ZNF804B: variants seen among roughly 807,000 people sequenced by gnomAD.
ZNF804B encodes zinc finger 804B.
In ZNF804B, 80 loss-of-function variants were observed where a neutral mutation model predicts 101.4. The observed-to-expected ratio is 0.79, with a 90% CI of 0.66 to 0.95. The LOEUF is 0.95. Ranked by LOEUF, ZNF804B falls within the 40% of genes least tolerant of loss-of-function variation. The probability of loss-of-function intolerance (pLI) is 0.00; values close to 1 mark genes in which losing one functional copy is unlikely to be tolerated. For missense variants in ZNF804B, 1,673 were observed against 1,561.9 expected (o/e 1.07, Z -1.20); for synonymous variants, 622 against 558.8 (o/e 1.11, Z -1.59).
At chr7:89,299,650 C>G (rs972452195) in intron 2 of ZNF804B, among the ~76,000 whole-genome samples, 1 of 152,034 alleles carries the variant, frequency 6.6e-6, no homozygotes, top group African/African-American at 2.4e-5. Context: ...TTGGGAATAT[C>G]TAGTTTTCTT....
chr7:88,890,695 A>G (rs1388942795), intron 1 of ZNF804B, among the ~76,000 whole-genome samples: 2 of 152,118 alleles, frequency 1.3e-5, no homozygotes, highest in African/African-American at 2.4e-5. Context: ...TTGCTTAAAA[A>G]TGTTTTGCTG....
intron 1 of ZNF804B, among the ~76,000 whole-genome samples, chr7:88,867,535 G>A (rs1416221867): frequency 1.3e-5 from 2 of 152,126 alleles, no homozygotes; most frequent in Non-Finnish European, 2.9e-5. Flanking sequence ...ACATTAAGGG[G>A]GGATTTTCCT....
chr7:89,025,638 A>G (rs1788739083), intron 1 of ZNF804B, among the ~76,000 whole-genome samples: 2 of 152,262 alleles, frequency 1.3e-5, no homozygotes, highest in South Asian at 2.1e-4. Context: ...TGTTGTCAAT[A>G]CAAAGTGCTA....
chr7:89,054,807 G>A (rs1167547709), intron 1 of ZNF804B, among the ~76,000 whole-genome samples: 1 of 151,980 alleles, frequency 6.6e-6, no homozygotes, highest in Non-Finnish European at 1.5e-5. Context: ...GACCAACCCT[G>A]CTGGACCTCA....
intron 2 of ZNF804B, among the ~76,000 whole-genome samples, chr7:89,301,415 C>A (rs1429941379): frequency 6.6e-6 from 1 of 151,746 alleles, no homozygotes; most frequent in African/African-American, 2.4e-5. Context: ...ACCCTATGCA[C>A]CACCATCACA....
intron 1 of ZNF804B, among the ~76,000 whole-genome samples, chr7:89,163,401 T>A (rs1441783697): frequency 6.6e-6 from 1 of 152,122 alleles, no homozygotes; most frequent in African/African-American, 2.4e-5. Context: ...TTTCTTCTTT[T>A]GATTTTTTGG....
At chr7:89,231,791 G>A (rs771838761) in intron 2 of ZNF804B, among the ~76,000 whole-genome samples, 1 of 151,994 alleles carries the variant, frequency 6.6e-6, no homozygotes, top group Non-Finnish European at 1.5e-5. Flanking sequence ...TATCGATCCT[G>A]TAATTTTGTT....
chr7:89,203,131 C>A (rs1370848584), intron 1 of ZNF804B, among the ~76,000 whole-genome samples: 2 of 152,064 alleles, frequency 1.3e-5, no homozygotes, highest in Non-Finnish European at 2.9e-5. Flanking sequence ...ATGGATTCTC[C>A]AAGAGCTGAA....
At chr7:89,237,980 C>T (rs935790952) in intron 2 of ZNF804B, among the ~76,000 whole-genome samples, 1 of 152,094 alleles carries the variant, frequency 6.6e-6, no homozygotes, top group African/African-American at 2.4e-5. Flanking sequence ...ATAATTGCCC[C>T]TCTCACAAAT....
At chr7:89,196,275 G>C (rs920600469) in intron 1 of ZNF804B, among the ~76,000 whole-genome samples, 2 of 150,798 alleles carry the variant, frequency 1.3e-5, no homozygotes, top group African/African-American at 4.8e-5. Flanking sequence ...TCTGATCTTT[G>C]ACAACACGTA....
intron 1 of ZNF804B, among the ~76,000 whole-genome samples, chr7:88,813,967 A>G (rs1337876878): frequency 6.6e-6 from 1 of 152,188 alleles, no homozygotes; most frequent in Non-Finnish European, 1.5e-5. Context: ...TGCATAGCCA[A>G]TGCACCATCA....
intron 2 of ZNF804B, among the ~76,000 whole-genome samples, chr7:89,252,339 A>C (rs1408336485): frequency 6.6e-6 from 1 of 152,196 alleles, no homozygotes; most frequent in East Asian, 1.9e-4. Context: ...ATCTCACATC[A>C]GTCAGAATGG....
chr7:88,853,932 T>G, intron 1 of ZNF804B, among the ~76,000 whole-genome samples: 1 of 152,248 alleles, frequency 6.6e-6, no homozygotes, highest in Admixed American at 6.5e-5. Flanking sequence ...ATTAAAACGT[T>G]TCGAGGGCTG....
intron 1 of ZNF804B, among the ~76,000 whole-genome samples, chr7:88,789,059 A>T (rs1451074100): frequency 1.3e-5 from 2 of 152,152 alleles, no homozygotes; most frequent in Non-Finnish European, 2.9e-5. Flanking sequence ...TACTAGCAAA[A>T]GTATTTTAAT....
chr7:89,176,267 A>T (rs1791316882), intron 1 of ZNF804B, among the ~76,000 whole-genome samples: 3 of 151,936 alleles, frequency 2.0e-5, no homozygotes, highest in Admixed American at 2.0e-4. Flanking sequence ...TGTTCATTCC[A>T]TACCCAGTTT....
chr7:88,826,596 C>T (rs184521856), intron 1 of ZNF804B, among the ~76,000 whole-genome samples: 20 of 152,014 alleles, frequency 1.3e-4, no homozygotes, highest in Admixed American at 2.0e-4. Context: ...AGTTGGATGG[C>T]GGCTTTACAG....
chr7:89,192,281 C>G (rs1031727169), intron 1 of ZNF804B, among the ~76,000 whole-genome samples: 1 of 152,014 alleles, frequency 6.6e-6, no homozygotes, highest in African/African-American at 2.4e-5. Context: ...TTTTCACCCC[C>G]TTTACCCCTG....
At chr7:88,976,674 A>C (rs1020612133) in intron 1 of ZNF804B, among the ~76,000 whole-genome samples, 2 of 151,656 alleles carry the variant, frequency 1.3e-5, no homozygotes, top group African/African-American at 4.8e-5. Flanking sequence ...TGTCATCTGC[A>C]AACAGGCATA....
At chr7:89,163,279 A>C (rs572934458) in intron 1 of ZNF804B, among the ~76,000 whole-genome samples, 2 of 152,262 alleles carry the variant, frequency 1.3e-5, no homozygotes, top group South Asian at 4.1e-4. Flanking sequence ...CAACCACCAA[A>C]ATAAGAGCTT....
Sources: gnomAD v4.1 joint callset for allele counts (sites outside exome capture counted in the v4.1 genomes callset) on GRCh38, gnomAD v4.1.1 for gene constraint, MANE v1.5 for transcripts, NCBI Gene and HGNC (gene_info 2026-07-23, HGNC 2026-07-21) for gene names.